The following NRG3 variants were observed in gnomAD, a reference collection of about 807,000 sequenced individuals.
NRG3 encodes neuregulin 3, also known as pro-neuregulin-3, membrane-bound isoform.
Under a neutral mutation model 66.9 loss-of-function variants are expected in NRG3, and 31 were observed. The observed-to-expected ratio is 0.46, with a 90% CI of 0.35 to 0.63. The LOEUF is 0.63. NRG3 is among the 20% of genes least tolerant of loss of function. NRG3 has a pLI of 0.00. For synonymous variants in NRG3, 393 were observed against 359.4 expected, an observed-to-expected ratio of 1.09 and a Z score of -1.06; for missense variants, 910 against 878.9, an observed-to-expected ratio of 1.04 and a Z score of -0.45.
intron 1 of NRG3, among the ~76,000 whole-genome samples, chr10:82,159,623 A>G (rs896516154): frequency 7.2e-5 from 11 of 151,820 alleles, no homozygotes; most frequent in African/African-American, 2.7e-4. Context: ...TCTCTTATTA[A>G]GTAGAGAGAA....
At chr10:82,633,706 T>G (rs2049997322) in intron 2 of NRG3, among the ~76,000 whole-genome samples, 1 of 152,204 alleles carries the variant, frequency 6.6e-6, no homozygotes, top group Non-Finnish European at 1.5e-5. Flanking sequence ...CAGCGAGCTC[T>G]GTTTCCACGA....
rs1248329243 is a variant in NRG3, at chr10:82,557,479, G to GT, written c.954-181091dup. 7.2e-5 allele frequency among the ~76,000 whole-genome samples: 11 copies of GT among 151,734 alleles called. No individual in the cohort carries two copies. The South Asian group carries it at 2.1e-3, about 29-fold the overall frequency. On this transcript the variant is annotated intron_variant, in intron 2 of 8. Coordinates refer to ENST00000372141, the MANE Select transcript of NRG3 (RefSeq NM_001010848.4). ...TCATATCCTCTGCTCACTTTTTAAT[G>GT]TTTTTTTCTTGCAAATTTGTTGAAG...
In NRG3 at chr10:82,102,104, A is replaced by G. The variant is rs1384615474; in HGVS notation, c.823+225941A>G. On this transcript the variant is annotated intron_variant, in intron 1 of 8. Transcript: ENST00000372141. Reference sequence around the variant, plus strand: ...TATATATGTGTATTCATATATATATATGTGTATTCATATATATATATGTGT... The same window carrying G: ...TATATATGTGTATTCATATATATATGTGTGTATTCATATATATATATGTGT... 9.4e-5 allele frequency among the ~76,000 whole-genome samples: 10 copies of G among 106,308 alleles called. 1 individual carries two copies. Among genetic ancestry groups the G allele is most frequent in the East Asian group, 3.5e-4 (1 of 2,894 alleles). 69.7% of individuals were successfully genotyped at this position (106,308 alleles called of 152,430 possible).
At chr10:82,196,661 C>T (rs889254200) in intron 1 of NRG3, among the ~76,000 whole-genome samples, 1 of 152,188 alleles carries the variant, frequency 6.6e-6, no homozygotes, top group Non-Finnish European at 1.5e-5. Flanking sequence ...ACCATACTTA[C>T]TTCTCATTCT....
intron 2 of NRG3, among the ~76,000 whole-genome samples, chr10:82,372,031 A>G (rs2084926807): frequency 6.6e-6 from 1 of 152,156 alleles, no homozygotes; most frequent in Admixed American, 6.5e-5. Flanking sequence ...AAATCATAGC[A>G]CTCATATGTA....
chr10:82,406,788 A>C (rs1018268862), intron 2 of NRG3, among the ~76,000 whole-genome samples: 18 of 152,058 alleles, frequency 1.2e-4, no homozygotes, highest in African/African-American at 4.3e-4. Flanking sequence ...GTTGACTTAG[A>C]AACTAGGTCT....
chr10:82,065,359 G>A (rs1222328860), intron 1 of NRG3, among the ~76,000 whole-genome samples: 1 of 152,122 alleles, frequency 6.6e-6, no homozygotes, highest in African/African-American at 2.4e-5. Flanking sequence ...AAATAGAGTG[G>A]GGTTTAGAGT....
chr10:82,278,236 C>CT (rs2134403119), intron 1 of NRG3, among the ~76,000 whole-genome samples: 1 of 152,052 alleles, frequency 6.6e-6, no homozygotes, highest in Non-Finnish European at 1.5e-5. Context: ...TTCTTGGTTT[C>CT]TTTCATTTGA....
intron 1 of NRG3, among the ~76,000 whole-genome samples, chr10:82,138,263 C>G (rs1233241549): frequency 6.6e-6 from 1 of 151,908 alleles, no homozygotes; most frequent in Admixed American, 6.6e-5. Context: ...AACATTTTTC[C>G]TGGGGGAAAA....
chr10:82,254,543 C>T (rs1335827966), intron 1 of NRG3, among the ~76,000 whole-genome samples: 1 of 152,090 alleles, frequency 6.6e-6, no homozygotes, highest in Non-Finnish European at 1.5e-5. Flanking sequence ...ACTTGGTTTC[C>T]TTGGAGAGAT....
At chr10:82,908,682 G>T (rs1844999183) in intron 4 of NRG3, among the ~76,000 whole-genome samples, 1 of 152,220 alleles carries the variant, frequency 6.6e-6, no homozygotes, top group East Asian at 1.9e-4. Context: ...GGGAATCCAG[G>T]TGCATGTACT....
intron 2 of NRG3, among the ~76,000 whole-genome samples, chr10:82,443,752 A>AG (rs1200061766): frequency 1.3e-5 from 2 of 152,302 alleles, no homozygotes; most frequent in East Asian, 3.9e-4. Context: ...GAAATAACTG[A>AG]GGAAAGTTTT....
intron 2 of NRG3, among the ~76,000 whole-genome samples, chr10:82,438,777 G>A (rs1056769628): frequency 3.3e-5 from 5 of 152,146 alleles, no homozygotes; most frequent in East Asian, 1.9e-4. Flanking sequence ...GGGGGAGGGG[G>A]TTCTTCTTTC....
chr10:82,148,278 G>C (rs2070408925), intron 1 of NRG3, among the ~76,000 whole-genome samples: 1 of 152,104 alleles, frequency 6.6e-6, no homozygotes, highest in East Asian at 1.9e-4. Flanking sequence ...TGGGAGGACT[G>C]CTTGAGCCCA....
chr10:82,176,906 AAC>A (rs369358750), intron 1 of NRG3, among the ~76,000 whole-genome samples: 1 of 51,538 alleles, frequency 1.9e-5, no homozygotes, highest in Non-Finnish European at 4.2e-5. Context: ...CACACACACA[AAC>A]ACACACACAC....
intron 1 of NRG3, among the ~76,000 whole-genome samples, chr10:82,352,947 T>G (rs1327740360): frequency 1.3e-5 from 2 of 149,506 alleles, no homozygotes; most frequent in Non-Finnish European, 3.0e-5. Flanking sequence ...CATTTTAGGG[T>G]GGGTAGCATG....
chr10:82,323,956 G>C (rs1008268237), intron 1 of NRG3, among the ~76,000 whole-genome samples: 3 of 151,964 alleles, frequency 2.0e-5, no homozygotes, highest in Non-Finnish European at 2.9e-5. Context: ...CCTCCACCTC[G>C]CAGGTTCAAG....
At chr10:81,947,447 C>T (rs992979437) in intron 1 of NRG3, among the ~76,000 whole-genome samples, 1 of 152,142 alleles carries the variant, frequency 6.6e-6, no homozygotes, top group African/African-American at 2.4e-5. Flanking sequence ...GCCCAGACTG[C>T]CTGTCATCTG....
chr10:82,148,342 A>C (rs886119246), intron 1 of NRG3, among the ~76,000 whole-genome samples: 8 of 152,196 alleles, frequency 5.3e-5, no homozygotes, highest in Admixed American at 2.6e-4. Flanking sequence ...TAAAACAAAC[A>C]AGCAAATAAT....
Sources: allele counts gnomAD v4.1 joint callset (sites outside exome capture counted in the v4.1 genomes callset), GRCh38; gene constraint gnomAD v4.1.1; transcripts MANE v1.5; gene names NCBI Gene and HGNC (gene_info 2026-07-23, HGNC 2026-07-21).